The following DNM3 variants were observed in gnomAD, a reference collection of about 807,000 sequenced individuals.
The protein encoded by DNM3 is dynamin 3, also known as dynamin-3.
A neutral mutation model predicts 101.6 loss-of-function variants in DNM3; 47 were observed. The ratio of observed to expected loss-of-function variants is 0.46; its 90% CI spans 0.37 to 0.59. The LOEUF (loss-of-function observed/expected upper bound fraction) is 0.59, where lower values mean the gene tolerates loss of function less well. DNM3 is among the 20% of genes least tolerant of loss of function. DNM3 has a pLI of 0.00. For synonymous variants in DNM3, 385 were observed against 387.9 expected (o/e 0.99, Z 0.09); for missense variants, 849 against 1,085.7 (o/e 0.78, Z 3.06).
At chr1:172,098,513 A>G (rs1388364881) in intron 13 of DNM3, among the ~76,000 whole-genome samples, 1 of 152,176 alleles carries the variant, frequency 6.6e-6, no homozygotes, top group African/African-American at 2.4e-5. Flanking sequence ...AGTTAACGCA[A>G]TCATCACAGG....
intron 1 of DNM3, among the ~76,000 whole-genome samples, chr1:171,897,526 A>G (rs1303501839): frequency 1.3e-5 from 2 of 152,192 alleles, no homozygotes; most frequent in African/African-American, 2.4e-5. Flanking sequence ...AATCATGTCT[A>G]TCTCTTGTCA....
chr1:172,246,836 T>C (rs1390378518), intron 14 of DNM3, among the ~76,000 whole-genome samples: 2 of 152,182 alleles, frequency 1.3e-5, no homozygotes, highest in Non-Finnish European at 2.9e-5. Context: ...CACATTTTTC[T>C]TGGCTTTGGT....
intron 5 of DNM3, 60 bp downstream of exon 5, chr1:172,032,560 T>C (rs1019985362): frequency 4.7e-6 from 5 of 1,068,748 alleles, no homozygotes; most frequent in South Asian, 3.6e-5. Context: ...TTTTTTGTTA[T>C]ATGGAAGAGA....
chr1:172,273,110 T>C (rs2063145908), intron 15 of DNM3, among the ~76,000 whole-genome samples: 1 of 152,224 alleles, frequency 6.6e-6, no homozygotes, highest in African/African-American at 2.4e-5. Context: ...GTAAATTATA[T>C]ACATATGTTA....
chr1:172,048,572 T>A (rs1558482534), intron 9 of DNM3, 40 bp from the exon 10 acceptor site: 1 of 1,563,692 alleles, frequency 6.4e-7, no homozygotes, highest in East Asian at 2.3e-5. Flanking sequence ...TATTACTCAA[T>A]TAAAAAAATC....
intron 4 of DNM3, among the ~76,000 whole-genome samples, chr1:172,031,107 G>A (rs2048571923): frequency 6.6e-6 from 1 of 152,132 alleles, no homozygotes; most frequent in Admixed American, 6.5e-5. Context: ...GCATACATAT[G>A]TTTATTGATG....
intron 14 of DNM3, among the ~76,000 whole-genome samples, chr1:172,223,325 T>C (rs1401651404): frequency 3.3e-5 from 5 of 151,070 alleles, no homozygotes; most frequent in Non-Finnish European, 5.9e-5. Flanking sequence ...TCTCATTTAA[T>C]GGTACCACCT....
intron 13 of DNM3, among the ~76,000 whole-genome samples, chr1:172,112,128 C>T (rs2055531848): frequency 6.6e-6 from 1 of 152,180 alleles, no homozygotes; most frequent in South Asian, 2.1e-4. Context: ...AGCATATACT[C>T]TTATCTTCAT....
At chr1:171,942,641 A>G (rs1490213024) in intron 2 of DNM3, among the ~76,000 whole-genome samples, 1 of 152,182 alleles carries the variant, frequency 6.6e-6, no homozygotes, top group East Asian at 1.9e-4. Flanking sequence ...AAACTAAGTA[A>G]ATTATGTAGT....
At chr1:171,916,834 T>A (rs1386663619) in intron 1 of DNM3, among the ~76,000 whole-genome samples, 1 of 152,190 alleles carries the variant, frequency 6.6e-6, no homozygotes, top group African/African-American at 2.4e-5. Flanking sequence ...TGTAGACTCT[T>A]CTCTGTCTCA....
At chr1:172,294,641 A>C (rs976813004) in intron 15 of DNM3, among the ~76,000 whole-genome samples, 2 of 152,202 alleles carry the variant, frequency 1.3e-5, no homozygotes, top group African/African-American at 4.8e-5. Flanking sequence ...GGCCAGGTGC[A>C]GTGGCTCAAA....
chr1:172,396,262 A>G (rs1252022366), intron 20 of DNM3, among the ~76,000 whole-genome samples: 1 of 152,238 alleles, frequency 6.6e-6, no homozygotes, highest in Non-Finnish European at 1.5e-5. Context: ...TTAAGTCAAA[A>G]TGGCAAGTAG....
intron 10 of DNM3, among the ~76,000 whole-genome samples, chr1:172,065,374 G>C (rs1222669293): frequency 1.3e-5 from 2 of 152,150 alleles, no homozygotes; most frequent in African/African-American, 4.8e-5. Context: ...TTGGGAAGCT[G>C]TCTGAGTGCA....
At chr1:172,130,983 A>T (rs1240135019) in intron 13 of DNM3, among the ~76,000 whole-genome samples, 192 bp from the exon 14 acceptor site, 1 of 152,184 alleles carries the variant, frequency 6.6e-6, no homozygotes, top group Admixed American at 6.6e-5. Context: ...TTGACAGGAG[A>T]GACTTCCCTT....
intron 2 of DNM3, among the ~76,000 whole-genome samples, chr1:171,981,406 T>C: frequency 6.6e-6 from 1 of 152,244 alleles, no homozygotes; most frequent in East Asian, 1.9e-4. Context: ...CTACTTAACC[T>C]TGATTAATTA....
intron 17 of DNM3, among the ~76,000 whole-genome samples, chr1:172,346,331 C>T (rs2066937773): frequency 6.6e-6 from 1 of 152,084 alleles, no homozygotes; most frequent in African/African-American, 2.4e-5. Context: ...ATAGCTATGG[C>T]TGCATGAAGT....
chr1:172,044,194 C>A (rs2049602183), intron 8 of DNM3, among the ~76,000 whole-genome samples, 191 bp from the exon 9 acceptor site: 1 of 152,310 alleles, frequency 6.6e-6, no homozygotes, highest in South Asian at 2.1e-4. Context: ...CCAAGCTCCC[C>A]AAAATCCCTA....
intron 17 of DNM3, among the ~76,000 whole-genome samples, chr1:172,371,891 T>A (rs564496182): frequency 7.3e-6 from 1 of 137,754 alleles, no homozygotes; most frequent in South Asian, 2.2e-4. Flanking sequence ...TTTTTACTTT[T>A]TTATTTATTT....
intron 17 of DNM3, among the ~76,000 whole-genome samples, chr1:172,343,621 T>C (rs1043725542): frequency 2.6e-5 from 4 of 152,264 alleles, no homozygotes; most frequent in Admixed American, 1.3e-4. Flanking sequence ...GTGTGAATCA[T>C]AGAAGCAGCC....
Sources: allele counts gnomAD v4.1 joint callset (sites outside exome capture counted in the v4.1 genomes callset), GRCh38; gene constraint gnomAD v4.1.1; transcripts MANE v1.5; gene names NCBI Gene and HGNC (gene_info 2026-07-23, HGNC 2026-07-21).